Variants in HCK observed in about 807,000 individuals in gnomAD.
The protein encoded by HCK is tyrosine-protein kinase HCK.
Under a neutral mutation model 70.4 loss-of-function variants are expected in HCK, and 40 were observed. The ratio of observed to expected loss-of-function variants is 0.57; its 90% CI spans 0.44 to 0.74. The LOEUF is 0.74. Among genes scored for constraint, HCK ranks in the 30% least tolerant of loss-of-function variants. The pLI, the probability that HCK is intolerant of heterozygous loss-of-function variation, is 0.00. For synonymous variants in HCK, 245 were observed against 263.2 expected (o/e 0.93, Z 0.67); for missense variants, 568 against 697.2 (o/e 0.81, Z 2.09).
Position 32,097,361 on chromosome 20 carries a change from C to T in HCK, c.1247-1643C>T, listed in dbSNP as rs867216586. ...TTGGGAGGCTGAGGTGGGAGGATCA[C>T]GAGGTCAGGAGATCGAGACCATCCT... On this transcript the variant is annotated intron_variant, in intron 11 of 12. Coordinates refer to ENST00000375852, the MANE Select transcript of HCK (RefSeq NM_002110.5). Among the ~76,000 whole-genome samples, 14 of 152,078 alleles carry T rather than the reference C, an allele frequency of 9.2e-5. No individual in the cohort carries two copies. In the Middle Eastern group the frequency reaches 0.01, roughly 111 times the overall value.
In HCK at chr20:32,074,285, G is replaced by A. The variant is rs73247053; in HGVS notation, c.330-338G>A. On this transcript the variant is annotated intron_variant, in intron 4 of 12. Transcript: ENST00000375852. ...CCACTCTCCCCTATTCTCAGCCCCA[G>A]CTGAACCATTCTGAGTCTCTATAGG... 9.2e-3 allele frequency among the ~76,000 whole-genome samples: 1,404 copies of A among 152,234 alleles called. 14 individuals carry two copies. Among genetic ancestry groups the A allele is most frequent in the African/African-American group, 0.032 (1,326 of 41,534 alleles).
At chr20:32,062,891 A>AC (rs2045400862) in intron 1 of HCK, among the ~76,000 whole-genome samples, 1 of 152,084 alleles carries the variant, frequency 6.6e-6, no homozygotes, top group Non-Finnish European at 1.5e-5. Flanking sequence ...CTTTTTCCCC[A>AC]CCCCCATTGC....
At chr20:32,067,987 G>A (rs1186799667) in intron 1 of HCK, among the ~76,000 whole-genome samples, 1 of 152,056 alleles carries the variant, frequency 6.6e-6, no homozygotes, top group Non-Finnish European at 1.5e-5. Flanking sequence ...AAACCTGGAT[G>A]TAAAAATTTT....
Position 32,054,566 on chromosome 20 carries a change from G to A in HCK, c.62+2080G>A, listed in dbSNP as rs147230209. On this transcript the variant is annotated intron_variant, in intron 1 of 12. Transcript: ENST00000375852. ...TCACGCCTGTAATCCCAGCACTTTGGGAGGCTGAGCCGGGCGGATCACGAG... is the reference window on the plus strand; with the variant it reads ...TCACGCCTGTAATCCCAGCACTTTGAGAGGCTGAGCCGGGCGGATCACGAG... Among the ~76,000 whole-genome samples, 1,294 of 146,946 alleles carry A rather than the reference G, an allele frequency of 8.8e-3. 11 individuals are homozygous for A. The highest frequency in any genetic ancestry group is 0.015 in the Non-Finnish European group (978 of 67,064).
In HCK at chr20:32,093,844, G is replaced by A; in HGVS notation, c.1093-19G>A. ...GTAGGCCAGGTCTGAGGACAAAGGT[G>A]TCTCTGTTTGGGGTGCAGATTGCAG... On this transcript the variant is annotated intron_variant, in intron 10 of 12. Transcript: ENST00000375852. The A allele has an allele frequency of 1.2e-6, 2 of 1,604,584 alleles. No individual in the cohort carries two copies. Among genetic ancestry groups the A allele is most frequent in the Non-Finnish European group, 1.7e-6 (2 of 1,175,432 alleles).
chr20:32,061,077 G>A lies in HCK; in HGVS notation c.62+8591G>A, dbSNP rs138082119. 5.2e-3 allele frequency among the ~76,000 whole-genome samples: 785 copies of A among 152,176 alleles called. 8 individuals carry two copies. The highest frequency in any genetic ancestry group is 0.018 in the African/African-American group (754 of 41,522). The stretch of plus-strand genomic sequence containing the variant: ...TGGCTCACTGCAACCTCCGCCTCCC[G>A]GGTTCAAGCAATTCTCCTTCCTCAG... On this transcript the variant is annotated intron_variant, in intron 1 of 12. Coordinates refer to ENST00000375852, the MANE Select transcript of HCK (RefSeq NM_002110.5).
intron 1 of HCK, among the ~76,000 whole-genome samples, chr20:32,068,925 CAG>C (rs1447442408): frequency 6.6e-6 from 1 of 152,120 alleles, no homozygotes; most frequent in Non-Finnish European, 1.5e-5. Context: ...GCCTGGGTGA[CAG>C]AGCGAGACTG....
Position 32,070,475 on chromosome 20 carries a change from C to A in HCK, c.63-1187C>A, listed in dbSNP as rs570921197. On this transcript the variant is annotated intron_variant, in intron 1 of 12. Transcript: ENST00000375852. ...CTCTAAGCACATGCCAGCCTCAGGG[C>A]CTTTGCATTTGCTGTTCCCTCTGCC... Among the ~76,000 whole-genome samples, 6 of 152,282 alleles carry A rather than the reference C, an allele frequency of 3.9e-5. No individual in the cohort carries two copies. The East Asian group carries it at 7.7e-4, about 20-fold the overall frequency.
chr20:32,096,629 G>A (rs1170871110), intron 11 of HCK, among the ~76,000 whole-genome samples: 1 of 152,000 alleles, frequency 6.6e-6, no homozygotes, highest in African/African-American at 2.4e-5. Flanking sequence ...AGCCTCCTGA[G>A]TACCTGAAAC....
intron 11 of HCK, among the ~76,000 whole-genome samples, chr20:32,098,306 C>T (rs940269781): frequency 4.6e-5 from 7 of 152,054 alleles, no homozygotes; most frequent in Admixed American, 2.6e-4. Context: ...GCTGGGATTA[C>T]AGGCACAAGC....
intron 9 of HCK, among the ~76,000 whole-genome samples, chr20:32,087,675 T>C (rs2045808692): frequency 6.6e-6 from 1 of 151,028 alleles, no homozygotes; most frequent in African/African-American, 2.4e-5. Flanking sequence ...AGAGTCTCAC[T>C]CTGTTTCCCA....
chr20:32,064,460 A>G (rs1211740183), intron 1 of HCK, among the ~76,000 whole-genome samples: 1 of 152,188 alleles, frequency 6.6e-6, no homozygotes, highest in Non-Finnish European at 1.5e-5. Flanking sequence ...AGAAGGGGGG[A>G]ATGGATTCTA....
At chr20:32,098,971 C>A (rs201577924) in intron 11 of HCK, 33 bp from the exon 12 acceptor site, 307 of 1,607,546 alleles carry the variant, frequency 1.9e-4, no homozygotes, top group Non-Finnish European at 2.5e-4. Flanking sequence ...TACTCCCCAG[C>A]CTTCCCCGAC....
chr20:32,055,402 A>G (rs2045255302), intron 1 of HCK, among the ~76,000 whole-genome samples: 1 of 152,250 alleles, frequency 6.6e-6, no homozygotes, highest in Non-Finnish European at 1.5e-5. Context: ...AGGGAACAAT[A>G]ACCAATATTT....
chr20:32,092,724 G>A (rs2045880887), intron 10 of HCK, among the ~76,000 whole-genome samples: 1 of 151,944 alleles, frequency 6.6e-6, no homozygotes, highest in African/African-American at 2.4e-5. Flanking sequence ...GGCATCTTCT[G>A]CTGGCCACAC....
intron 1 of HCK, among the ~76,000 whole-genome samples, chr20:32,062,210 G>A (rs1160535200): frequency 6.6e-6 from 1 of 152,146 alleles, no homozygotes; most frequent in African/African-American, 2.4e-5. Flanking sequence ...AAAGTGCTGG[G>A]ATTACAGGTG....
chr20:32,099,472 C>T (rs997000564), intron 12 of HCK, among the ~76,000 whole-genome samples: 3 of 151,644 alleles, frequency 2.0e-5, no homozygotes, highest in African/African-American at 4.9e-5. Context: ...ATTCTCCTGC[C>T]TCAGCCTCCT....
At chr20:32,069,957 C>T (rs932704602) in intron 1 of HCK, among the ~76,000 whole-genome samples, 3 of 152,168 alleles carry the variant, frequency 2.0e-5, no homozygotes, top group African/African-American at 7.2e-5. Flanking sequence ...TTGTCACAGC[C>T]TGCCTTCTCA....
intron 11 of HCK, among the ~76,000 whole-genome samples, chr20:32,098,520 C>T (rs1441446916): frequency 6.6e-6 from 1 of 152,078 alleles, no homozygotes; most frequent in Non-Finnish European, 1.5e-5. Context: ...TAACTAAACC[C>T]ATGTCAGACT....
Sources: gnomAD v4.1 joint callset for allele counts (sites outside exome capture counted in the v4.1 genomes callset) on GRCh38, gnomAD v4.1.1 for gene constraint, MANE v1.5 for transcripts, NCBI Gene and HGNC (gene_info 2026-07-23, HGNC 2026-07-21) for gene names.